The following ADGRD1 variants were observed in gnomAD, a reference collection of about 807,000 sequenced individuals.
ADGRD1 encodes adhesion G protein-coupled receptor D1.
In ADGRD1, 77 loss-of-function variants were observed where a neutral mutation model predicts 113.4. That is an observed-to-expected ratio of 0.68 (90% CI 0.57 to 0.82). The LOEUF (loss-of-function observed/expected upper bound fraction) is 0.82, where lower values mean the gene tolerates loss of function less well. Ranked by LOEUF, ADGRD1 falls within the 40% of genes least tolerant of loss-of-function variation. ADGRD1 has a pLI of 0.00. For synonymous variants in ADGRD1, 474 were observed against 475.0 expected (o/e 1.00, Z 0.03); for missense variants, 1,036 against 1,139.1 (o/e 0.91, Z 1.30).
At position 131,140,845 on chromosome 12, in the gene ADGRD1, A is replaced by G. The variant is rs143935010; in HGVS notation, c.*1582A>G. 21 of 152,406 alleles carry G rather than the reference A, an allele frequency of 1.4e-4. No individual in the cohort carries two copies. The highest frequency in any genetic ancestry group is 5.0e-4 in the African/African-American group (21 of 41,590). The allele number at this position is 152,406 out of a possible 1,614,324, so 9.4% of individuals were successfully genotyped here. ...TGTCAGGCGAGGCCCAGGCTGCACC[A>G]GCCACCTGCCACATGGTGACAGTGC... is the stretch of plus-strand genomic sequence containing the variant. On this transcript the variant is annotated 3_prime_UTR_variant, in exon 25 of 25. Transcript: ENST00000261654.
chr12:131,086,391 C>T (rs952632159), intron 15 of ADGRD1, among the ~76,000 whole-genome samples: 4 of 152,172 alleles, frequency 2.6e-5, no homozygotes, highest in African/African-American at 9.7e-5. Flanking sequence ...CCCAGGGGTG[C>T]TGTGGGAAGG....
chr12:131,117,099 T>C (rs369772485), intron 18 of ADGRD1, among the ~76,000 whole-genome samples: 150 of 152,336 alleles, frequency 9.8e-4, no homozygotes, highest in African/African-American at 3.6e-3. Flanking sequence ...TAGAGGCCAG[T>C]TCAGATTTGG....
chr12:130,991,187 G>A (rs775523879), intron 7 of ADGRD1, 109 bp downstream of exon 7: 11 of 809,652 alleles, frequency 1.4e-5, no homozygotes, highest in South Asian at 7.8e-5. Flanking sequence ...GTTATCGGCA[G>A]TACATTGTCT....
chr12:130,992,713 T>A (rs1187823922), intron 8 of ADGRD1, among the ~76,000 whole-genome samples: 2 of 152,268 alleles, frequency 1.3e-5, no homozygotes, highest in African/African-American at 4.8e-5. Flanking sequence ...CTCTGCTGCC[T>A]CCTGGCAACA....
At chr12:131,131,881 C>A in intron 21 of ADGRD1, 65 bp downstream of exon 21, 1 of 1,064,020 alleles carries the variant, frequency 9.4e-7, no homozygotes, top group Non-Finnish European at 1.5e-6. Context: ...GCTTTGAGGT[C>A]ACAGGAGAGA....
At position 131,014,263 on chromosome 12, in the gene ADGRD1, G is replaced by A; in HGVS notation, c.1396G>A (p.Glu466Lys). 6.2e-7 allele frequency: 1 copy of A among 1,614,052 alleles called. No individual in the cohort carries two copies. Among genetic ancestry groups the A allele is most frequent in the Non-Finnish European group, 8.5e-7 (1 of 1,179,930 alleles). ...LFATSHLISL[E>K]VSPPPTLSQN... Reference sequence around the variant, plus strand: ...CGCCACCAGCCACCTGATTTCCCTGGAGGTGTCCCCACCACCCACCCTGTC... The same window carrying A: ...CGCCACCAGCCACCTGATTTCCCTGAAGGTGTCCCCACCACCCACCCTGTC... Residue 466 changes from glutamate (E) to lysine (K), a missense_variant, in exon 13 of 25, where the codon GAG (glutamate) becomes AAG (lysine). By Grantham distance (56) the Glu-to-Lys change is moderately conservative. Transcript: ENST00000261654.
intron 15 of ADGRD1, among the ~76,000 whole-genome samples, chr12:131,098,732 G>A (rs1671395501): frequency 6.6e-6 from 1 of 152,216 alleles, no homozygotes; most frequent in Non-Finnish European, 1.5e-5. Context: ...TTCCATCACA[G>A]CCTCATCAAC....
chr12:131,032,761 C>T (rs1375521987), intron 13 of ADGRD1, among the ~76,000 whole-genome samples: 1 of 127,802 alleles, frequency 7.8e-6, no homozygotes, highest in African/African-American at 3.5e-5. Context: ...ACAGAGGTGA[C>T]GCTTATTAGA....
At chr12:130,979,815 T>TCACACACACACACACA (rs1491129989) in intron 4 of ADGRD1, among the ~76,000 whole-genome samples, 75 of 139,810 alleles carry the variant, frequency 5.4e-4, no homozygotes, top group Middle Eastern at 3.7e-3. Flanking sequence ...GCAGCTAGTG[T>TCACACACACACACACA]CTCACACACA....
rs760240145 is a variant in ADGRD1, at chr12:130,966,478, C to T, written c.119C>T (p.Ala40Val). ...SQDHPGFQVL[A>V]SASHYWPLEN... ...TTTCCCCAAGGATTTCAGGTGTTGG[C>T]GTCTGCTTCCCATTACTGGCCACTG... The change falls in exon 3 of 25, where the codon GCG becomes GTG. Residue 40 changes from alanine to valine, a missense_variant. Ala to Val is a moderately conservative substitution (Grantham distance 64). Transcript: ENST00000261654. The surrounding 1 kb of genome is among the most constrained non-coding windows in gnomAD (Gnocchi z 4.6). The T allele has an allele frequency of 5.0e-5, 81 of 1,606,302 alleles. No individual in the cohort carries two copies. The highest frequency in any genetic ancestry group is 5.4e-5 in the Non-Finnish European group (63 of 1,172,980).
chr12:131,065,901 G>C (rs914686404), intron 13 of ADGRD1, among the ~76,000 whole-genome samples: 2 of 152,196 alleles, frequency 1.3e-5, no homozygotes, highest in African/African-American at 4.8e-5. Flanking sequence ...CTCCGGGGGT[G>C]GAGGAAGAGA....
Position 131,129,200 on chromosome 12 carries a change from G to A in ADGRD1, c.2176-2525G>A, listed in dbSNP as rs1379510461. Among the ~76,000 whole-genome samples the A allele has an allele frequency of 1.3e-4, 15 of 113,170 alleles. No individual in the cohort carries two copies. The South Asian group carries it at 1.3e-3, about 10-fold the overall frequency. 74.2% of individuals were successfully genotyped at this position (113,170 alleles called of 152,430 possible). ...AGGCCCGCCCTGCTGTCTGGTGTGA[G>A]TGACAGCCCCGCCCTGCTGTCTGGG... On this transcript the variant is annotated intron_variant, in intron 20 of 24. Coordinates refer to ENST00000261654, the MANE Select transcript of ADGRD1 (RefSeq NM_198827.5).
chr12:131,003,182 C>G lies in ADGRD1; in HGVS notation c.1027-3C>G, dbSNP rs1339659978. On this transcript the variant is annotated splice_region_variant and splice_polypyrimidine_tract_variant and intron_variant, in intron 9 of 24. Transcript: ENST00000261654. The surrounding 1 kb of genome is among the most constrained non-coding windows in gnomAD (Gnocchi z 4.8). Reference sequence around the variant, plus strand: ...ATGGCTCCTGGTGCTTGTGTTGCTGCAGGACAGCGCCGTGGTACTGAGTCT... The same window carrying G: ...ATGGCTCCTGGTGCTTGTGTTGCTGGAGGACAGCGCCGTGGTACTGAGTCT... 6.2e-7 allele frequency: 1 copy of G among 1,609,670 alleles called. No homozygotes were observed. The highest frequency in any genetic ancestry group is 8.5e-7 in the Non-Finnish European group (1 of 1,176,126).
At chr12:130,972,790 G>A (rs1871840678) in intron 4 of ADGRD1, among the ~76,000 whole-genome samples, 1 of 152,086 alleles carries the variant, frequency 6.6e-6, no homozygotes, top group Non-Finnish European at 1.5e-5. Flanking sequence ...GAGGCATCCA[G>A]AAAGCTCCAG....
intron 21 of ADGRD1, 145 bp from the exon 22 acceptor site, chr12:131,135,892 G>A (rs1007360192): frequency 1.3e-6 from 1 of 754,024 alleles, no homozygotes; most frequent in South Asian, 1.7e-5. Flanking sequence ...GCCTCAACCA[G>A]GGCTACCTGC....
intron 15 of ADGRD1, among the ~76,000 whole-genome samples, chr12:131,085,421 G>A (rs1037930562): frequency 6.7e-5 from 10 of 148,496 alleles, no homozygotes; most frequent in Admixed American, 5.4e-4. Context: ...CTGGGGAGGC[G>A]GGAGGCAGGG....
chr12:130,959,000 C>G (rs1163216598), intron 2 of ADGRD1, among the ~76,000 whole-genome samples: 2 of 152,132 alleles, frequency 1.3e-5, no homozygotes, highest in Non-Finnish European at 1.5e-5. Context: ...AAGCTCACAG[C>G]GTGAGGGGAA....
chr12:131,014,106 T>G, intron 12 of ADGRD1, 93 bp from the exon 13 acceptor site: 1 of 1,256,332 alleles, frequency 8.0e-7, no homozygotes, highest in Middle Eastern at 2.6e-4. Flanking sequence ...GTCTCAATAG[T>G]TTTGGGTGGA....
At chr12:131,021,127 T>C (rs1005108043) in intron 13 of ADGRD1, among the ~76,000 whole-genome samples, 7 of 152,262 alleles carry the variant, frequency 4.6e-5, no homozygotes, top group African/African-American at 1.7e-4. Context: ...TGCCCCTGTA[T>C]GTCTACAGAC....
Sources: gnomAD v4.1 joint callset for allele counts (sites outside exome capture counted in the v4.1 genomes callset) on GRCh38, gnomAD v4.1.1 for gene constraint, Gnocchi (gnomAD v3.1) non-coding constraint, MANE v1.5 for transcripts, NCBI Gene and HGNC (gene_info 2026-07-23, HGNC 2026-07-21) for gene names.